Variants in STK33 observed in about 807,000 individuals in gnomAD.
STK33 encodes serine/threonine-protein kinase 33.
STK33 carries 52 observed loss-of-function variants against 58.0 expected under a neutral mutation model. That is an observed-to-expected ratio of 0.90 (90% CI 0.72 to 1.13). The LOEUF (loss-of-function observed/expected upper bound fraction) is 1.13, where lower values mean the gene tolerates loss of function less well. Ranked by LOEUF, STK33 falls within the 50% of genes most tolerant of loss-of-function variation. The pLI is 0.00. For missense variants in STK33, 630 were observed against 604.2 expected (o/e 1.04, Z -0.45); for synonymous variants, 215 against 200.1 (o/e 1.07, Z -0.63).
intron 1 of STK33, among the ~76,000 whole-genome samples, chr11:8,566,605 C>A: frequency 6.6e-6 from 1 of 152,220 alleles, no homozygotes; most frequent in East Asian, 1.9e-4. Flanking sequence ...GTCAATTGAA[C>A]CAATATTGCA....
At chr11:8,579,737 A>G (rs1958434305) in intron 1 of STK33, among the ~76,000 whole-genome samples, 1 of 152,092 alleles carries the variant, frequency 6.6e-6, no homozygotes, top group African/African-American at 2.4e-5. Context: ...TCCCTCACCT[A>G]AAAGGCTCTT....
At chr11:8,431,441 C>T (rs1306315903) in intron 14 of STK33, among the ~76,000 whole-genome samples, 1 of 152,050 alleles carries the variant, frequency 6.6e-6, no homozygotes, top group African/African-American at 2.4e-5. Flanking sequence ...AACAAAGGCC[C>T]TGTTCATACA....
chr11:8,376,800 A>T, the STK33 span, among the ~76,000 whole-genome samples: 4 of 152,090 alleles, frequency 2.6e-5, no homozygotes, highest in Non-Finnish European at 5.9e-5. Flanking sequence ...TCAGCCTCCC[A>T]AAGTGCTGGG....
intron 14 of STK33, among the ~76,000 whole-genome samples, chr11:8,428,292 G>A (rs1224269959): frequency 1.3e-5 from 2 of 152,188 alleles, no homozygotes; most frequent in Non-Finnish European, 2.9e-5. Flanking sequence ...TCAGACCCTT[G>A]TGAAGGGATA....
intron 1 of STK33, among the ~76,000 whole-genome samples, chr11:8,528,918 C>T (rs977219354): frequency 7.9e-5 from 12 of 152,186 alleles, no homozygotes; most frequent in African/African-American, 2.4e-5. Context: ...CTATAAATTA[C>T]AATATCATTT....
chr11:8,556,450 C>G (rs1402288682), intron 1 of STK33, among the ~76,000 whole-genome samples: 1 of 152,154 alleles, frequency 6.6e-6, no homozygotes, highest in Non-Finnish European at 1.5e-5. Context: ...AGACTAGTAC[C>G]TAATTATATA....
At chr11:8,401,082 TA>T (rs1937818365) in intron 15 of STK33, among the ~76,000 whole-genome samples, 1 of 152,218 alleles carries the variant, frequency 6.6e-6, no homozygotes, top group African/African-American at 2.4e-5. Flanking sequence ...CCCATCAAGC[TA>T]CCAATGACTT....
chr11:8,447,418 C>T (rs1285908642), intron 11 of STK33, among the ~76,000 whole-genome samples: 1 of 152,146 alleles, frequency 6.6e-6, no homozygotes, highest in Non-Finnish European at 1.5e-5. Context: ...TCCAGCAGCA[C>T]ATCAAAAAGC....
intron 1 of STK33, among the ~76,000 whole-genome samples, chr11:8,538,412 G>A (rs765572908): frequency 3.9e-5 from 6 of 152,096 alleles, no homozygotes; most frequent in Non-Finnish European, 7.4e-5. Context: ...AATCCAAACC[G>A]TCTGCCTCCA....
the STK33 span, among the ~76,000 whole-genome samples, chr11:8,368,096 G>C: frequency 6.6e-6 from 1 of 152,136 alleles, no homozygotes; most frequent in Non-Finnish European, 1.5e-5. Context: ...AAGCAGCAGA[G>C]GGCGGGATCC....
chr11:8,506,796 T>C (rs1951895772), intron 1 of STK33, among the ~76,000 whole-genome samples: 1 of 152,178 alleles, frequency 6.6e-6, no homozygotes, highest in South Asian at 2.1e-4. Flanking sequence ...TTTGTCAACA[T>C]CATTTACCCA....
At chr11:8,579,875 A>G (rs1591885949) in intron 1 of STK33, among the ~76,000 whole-genome samples, 1 of 152,222 alleles carries the variant, frequency 6.6e-6, no homozygotes, top group Admixed American at 6.5e-5. Context: ...GGTGTTCAAC[A>G]TCACTGATCA....
chr11:8,565,157 GA>G (rs138582335), intron 1 of STK33, among the ~76,000 whole-genome samples: 2,959 of 150,272 alleles, frequency 0.02, 97 homozygotes, highest in African/African-American at 0.069. Flanking sequence ...TAGAAAAGAG[GA>G]AAAAAAAATA....
intron 1 of STK33, among the ~76,000 whole-genome samples, chr11:8,567,721 C>A (rs1224067828): frequency 6.6e-6 from 1 of 152,174 alleles, no homozygotes; most frequent in African/African-American, 2.4e-5. Flanking sequence ...AGATTCTATC[C>A]TTTAAACCAA....
the STK33 span, among the ~76,000 whole-genome samples, chr11:8,349,384 G>C: frequency 1.3e-5 from 2 of 152,186 alleles, no homozygotes; most frequent in African/African-American, 4.8e-5. Context: ...GGCCTGCCTA[G>C]TATAGAGTTA....
At chr11:8,554,136 T>C (rs965916514) in intron 1 of STK33, among the ~76,000 whole-genome samples, 2 of 151,518 alleles carry the variant, frequency 1.3e-5, no homozygotes, top group Non-Finnish European at 3.0e-5. Flanking sequence ...AATGAGTGAA[T>C]TGGCCAGGTG....
intron 1 of STK33, among the ~76,000 whole-genome samples, chr11:8,517,100 C>G (rs1473734267): frequency 6.6e-6 from 1 of 152,190 alleles, no homozygotes; most frequent in East Asian, 1.9e-4. Context: ...CCAACTGATA[C>G]CTCATACAGC....
At chr11:8,383,381 C>T in the STK33 span, among the ~76,000 whole-genome samples, 3 of 152,082 alleles carry the variant, frequency 2.0e-5, no homozygotes, top group African/African-American at 7.2e-5. Context: ...TTAGGTGTTT[C>T]CAGAGTGGAA....
intron 1 of STK33, among the ~76,000 whole-genome samples, chr11:8,517,901 G>C (rs1952960780): frequency 6.6e-6 from 1 of 152,154 alleles, no homozygotes. Context: ...ATGGAACCAA[G>C]TTGGAAAACC....
Sources: gnomAD v4.1 joint callset for allele counts (sites outside exome capture counted in the v4.1 genomes callset) on GRCh38, gnomAD v4.1.1 for gene constraint, MANE v1.5 for transcripts, NCBI Gene and HGNC (gene_info 2026-07-23, HGNC 2026-07-21) for gene names.